The following ATP1A4 variants were observed in gnomAD, a reference collection of about 807,000 sequenced individuals.
ATP1A4 encodes sodium/potassium-transporting ATPase subunit alpha-4.
A neutral mutation model predicts 114.3 loss-of-function variants in ATP1A4; 90 were observed. The observed-to-expected ratio is 0.79, with a 90% CI of 0.66 to 0.94. The LOEUF (loss-of-function observed/expected upper bound fraction) is 0.94. Ranked by LOEUF, ATP1A4 falls within the 40% of genes least tolerant of loss-of-function variation. ATP1A4 has a pLI of 0.00. For synonymous variants in ATP1A4, 511 were observed against 494.1 expected (o/e 1.03, Z -0.45); for missense variants, 1,222 against 1,313.6 (o/e 0.93, Z 1.08).
chr1:160,161,889 C>T (rs967791661), intron 6 of ATP1A4, among the ~76,000 whole-genome samples: 4 of 152,208 alleles, frequency 2.6e-5, no homozygotes, highest in Admixed American at 2.6e-4. Context: ...CAGCAATGTT[C>T]ATGGGAGCTC....
chr1:160,156,250 A>T, intron 4 of ATP1A4, 92 bp downstream of exon 4: 1 of 879,510 alleles, frequency 1.1e-6, no homozygotes. Flanking sequence ...ATATCCTATG[A>T]TAAGTGAGCT....
At chr1:160,173,137 G>A (rs1460868893) in intron 12 of ATP1A4, among the ~76,000 whole-genome samples, 1 of 152,182 alleles carries the variant, frequency 6.6e-6, no homozygotes, top group Non-Finnish European at 1.5e-5. Flanking sequence ...CAAGGCACAG[G>A]GTGAGGCCAC....
At chr1:160,171,843 T>TTAAACTAAGGGTATTAAGC in intron 12 of ATP1A4, 86 bp downstream of exon 12, 1 of 1,362,016 alleles carries the variant, frequency 7.3e-7, no homozygotes. Flanking sequence ...AGATGCTTAA[T>TTAAACTAAGGGTATTAAGC]ACCCTTAGTT....
intron 4 of ATP1A4, among the ~76,000 whole-genome samples, chr1:160,156,817 AG>A (rs1395229480): frequency 6.6e-6 from 1 of 152,150 alleles, no homozygotes; most frequent in Admixed American, 6.5e-5. Context: ...GAGGCTAAAG[AG>A]GCATGACAAC....
chr1:160,164,032 C>T lies in ATP1A4; in HGVS notation c.779-124C>T, dbSNP rs187725411. 12 of 1,242,294 alleles carry T rather than the reference C, an allele frequency of 9.7e-6. No homozygotes were observed. In the African/African-American group the frequency reaches 1.7e-4, roughly 17 times the overall value. 77.0% of individuals were successfully genotyped at this position (1,242,294 alleles called of 1,614,324 possible). ...AGACCAAATATTAGAACAAAAGATT[C>T]TCCTAGCACCCCTATCTTTAAGGGT... On this transcript the variant is annotated intron_variant, in intron 6 of 21. Coordinates refer to ENST00000368081, the MANE Select transcript of ATP1A4 (RefSeq NM_144699.4).
At chr1:160,165,056 T>A (rs1652982108) in intron 7 of ATP1A4, among the ~76,000 whole-genome samples, 1 of 152,230 alleles carries the variant, frequency 6.6e-6, no homozygotes, top group African/African-American at 2.4e-5. Flanking sequence ...AGCCATTATG[T>A]CCCCTCAAAC....
chr1:160,186,803 T>C lies in ATP1A4; in HGVS notation c.*104T>C. The C allele has an allele frequency of 7.7e-7, 1 of 1,295,620 alleles. No individual in the cohort carries two copies. Among genetic ancestry groups the C allele is most frequent in the Admixed American group, 2.0e-5 (1 of 50,776 alleles). 80.3% of individuals were successfully genotyped at this position (1,295,620 alleles called of 1,614,324 possible). On this transcript the variant is annotated 3_prime_UTR_variant, in exon 22 of 22. Coordinates refer to ENST00000368081, the MANE Select transcript of ATP1A4 (RefSeq NM_144699.4). ...CAACATCTGAGACACTAGGATGAAT[T>C]ATCTTGGATGAGAAAGATGGGCAAT...
intron 21 of ATP1A4, 70 bp from the exon 22 acceptor site, chr1:160,186,601 C>T: frequency 6.4e-7 from 1 of 1,554,614 alleles, no homozygotes; most frequent in South Asian, 1.2e-5. Context: ...CCTGCTTTCC[C>T]TTCTGCCTGT....
rs200507673 is a variant in ATP1A4, at chr1:160,166,553, G to T, written c.1073G>T (p.Arg358Leu). ...VTVCLTLTAK[R>L]MARKNCLVKN... is the part of the protein sequence containing the mutation. ...GTGTGCCTGACCCTCACAGCCAAGC[G>T]CATGGCGCGGAAGAACTGCCTGGTG... is the stretch of plus-strand genomic sequence containing the variant. The change falls in exon 8 of 22, where the codon CGC (arginine) becomes CTC (leucine). Residue 358 changes from arginine to leucine, a missense_variant. Physicochemically the swap from Arg to Leu is moderately radical, Grantham distance 102 (BLOSUM62 -2). Coordinates refer to ENST00000368081, the MANE Select transcript of ATP1A4 (RefSeq NM_144699.4). 3.7e-6 allele frequency: 6 copies of T among 1,614,096 alleles called. No homozygotes were observed. The highest frequency in any genetic ancestry group is 3.4e-6 in the Non-Finnish European group (4 of 1,180,048).
chr1:160,179,273 G>A (rs1377333911), intron 18 of ATP1A4, among the ~76,000 whole-genome samples: 1 of 152,186 alleles, frequency 6.6e-6, no homozygotes, highest in African/African-American at 2.4e-5. Context: ...GACACCCAAA[G>A]TTCTCATTGC....
At chr1:160,173,361 GA>G (rs1653333898) in intron 12 of ATP1A4, among the ~76,000 whole-genome samples, 1 of 152,156 alleles carries the variant, frequency 6.6e-6, no homozygotes, top group Non-Finnish European at 1.5e-5. Context: ...GTAAATCTAG[GA>G]CCCAAATTGT....
chr1:160,179,834 A>G (rs1162562815), intron 18 of ATP1A4, among the ~76,000 whole-genome samples: 1 of 152,224 alleles, frequency 6.6e-6, no homozygotes, highest in Non-Finnish European at 1.5e-5. Flanking sequence ...TATTTAATCA[A>G]GATATTGTAA....
At chr1:160,174,526 G>A in intron 14 of ATP1A4, 53 bp from the exon 15 acceptor site, 1 of 1,589,582 alleles carries the variant, frequency 6.3e-7, no homozygotes, top group Admixed American at 1.7e-5. Context: ...TTTGGGACTA[G>A]TTCTGGATCT....
At chr1:160,177,493 C>T in intron 17 of ATP1A4, 26 bp from the exon 18 acceptor site, 1 of 1,612,464 alleles carries the variant, frequency 6.2e-7, no homozygotes, top group Non-Finnish European at 8.5e-7. Flanking sequence ...CCAGGCTCCC[C>T]TGTCCTGCAA....
At chr1:160,184,013 C>T (rs1191789013) in intron 20 of ATP1A4, among the ~76,000 whole-genome samples, 1 of 146,408 alleles carries the variant, frequency 6.8e-6, no homozygotes, top group Non-Finnish European at 1.5e-5. Context: ...AGTGCAGTAG[C>T]GCAATCTCGG....
chr1:160,186,086 CAAA>C (rs527303426), intron 20 of ATP1A4, among the ~76,000 whole-genome samples, 187 bp from the exon 21 acceptor site: 16 of 32,788 alleles, frequency 4.9e-4, no homozygotes, highest in South Asian at 2.3e-3. Flanking sequence ...GACTCTGTCG[CAAA>C]AAAAAAAAAA....
chr1:160,172,446 G>A (rs537948783), intron 12 of ATP1A4, among the ~76,000 whole-genome samples: 3 of 152,214 alleles, frequency 2.0e-5, no homozygotes, highest in East Asian at 3.9e-4. Context: ...ACCAAAAATC[G>A]GTCAGAGCAA....
intron 10 of ATP1A4, among the ~76,000 whole-genome samples, chr1:160,169,348 C>G (rs1022998912): frequency 2.6e-5 from 4 of 152,226 alleles, no homozygotes; most frequent in African/African-American, 7.2e-5. Context: ...AATTTTCTAT[C>G]AAGATGTGAT....
At position 160,167,420 on chromosome 1, in the gene ATP1A4, AC is replaced by A. The variant is rs761592962; in HGVS notation, c.1491+11del. ...TCTACCAACAAGTACCAGGTACAGA[AC>A]CCACAAAGGTAGGAGAATGGTGGTG... On this transcript the variant is annotated intron_variant, in intron 10 of 21. Coordinates refer to ENST00000368081, the MANE Select transcript of ATP1A4 (RefSeq NM_144699.4). 6.2e-7 allele frequency: 1 copy of A among 1,610,862 alleles called. No homozygotes were observed. The highest frequency in any genetic ancestry group is 1.1e-5 in the South Asian group (1 of 90,708).
Sources: allele counts gnomAD v4.1 joint callset (sites outside exome capture counted in the v4.1 genomes callset), GRCh38; gene constraint gnomAD v4.1.1; transcripts MANE v1.5; gene names NCBI Gene and HGNC (gene_info 2026-07-23, HGNC 2026-07-21).